The following CAMKMT variants were observed in gnomAD, a reference collection of about 807,000 sequenced individuals.
CAMKMT encodes the protein CaM KMT.
Under a neutral mutation model 48.0 loss-of-function variants are expected in CAMKMT, and 53 were observed. The observed-to-expected ratio is 1.10, with a 90% CI of 0.89 to 1.39. The LOEUF is 1.39. CAMKMT is among the 40% of genes most tolerant of loss of function. The probability of loss-of-function intolerance (pLI) is 0.00; values close to 1 mark genes in which losing one functional copy is unlikely to be tolerated. For missense variants in CAMKMT, 428 were observed against 402.7 expected (o/e 1.06, Z -0.54); for synonymous variants, 165 against 152.3 (o/e 1.08, Z -0.61).
At chr2:44,432,897 CGTGGCTATT>C (rs1361509237) in intron 3 of CAMKMT, among the ~76,000 whole-genome samples, 2 of 151,308 alleles carry the variant, frequency 1.3e-5, no homozygotes, top group Admixed American at 1.3e-4. Flanking sequence ...GTTAATTTTC[CGTGGCTATT>C]GTGAGAATTA....
rs367807436 is a variant in CAMKMT, at chr2:44,707,369, T to C, written c.493-30T>C. The C allele has an allele frequency of 2.6e-5, 42 of 1,608,014 alleles. No individual in the cohort carries two copies. The African/African-American group carries it at 3.6e-4, about 14-fold the overall frequency. On this transcript the variant is annotated intron_variant, in intron 5 of 10. Coordinates refer to ENST00000378494, the MANE Select transcript of CAMKMT (RefSeq NM_024766.5). ...CCACACAGACAAGCATATTTGCTCA[T>C]TGTTTGCTGTGCTCCCTTTTTTTTT...
chr2:44,367,303 C>T (rs914791061), intron 1 of CAMKMT, among the ~76,000 whole-genome samples: 3 of 152,142 alleles, frequency 2.0e-5, no homozygotes, highest in Non-Finnish European at 4.4e-5. Flanking sequence ...ATCTTAAATG[C>T]TTCAATATCC....
At chr2:44,712,693 A>G (rs1573140318) in intron 6 of CAMKMT, among the ~76,000 whole-genome samples, 1 of 152,176 alleles carries the variant, frequency 6.6e-6, no homozygotes, top group Non-Finnish European at 1.5e-5. Context: ...CTTTGCACCC[A>G]GTCCCTCCCA....
chr2:44,381,021 G>A (rs192171070), intron 2 of CAMKMT, among the ~76,000 whole-genome samples: 1 of 152,032 alleles, frequency 6.6e-6, no homozygotes, highest in South Asian at 2.1e-4. Context: ...TTAGCCGGGA[G>A]TGGTGGCAGA....
intron 3 of CAMKMT, among the ~76,000 whole-genome samples, chr2:44,535,225 A>G (rs376032701): frequency 4.6e-5 from 7 of 152,300 alleles, no homozygotes; most frequent in Admixed American, 2.0e-4. Context: ...TAGACCAATA[A>G]CAAGTAATGA....
chr2:44,467,904 A>T (rs991212631), intron 3 of CAMKMT, among the ~76,000 whole-genome samples: 1 of 152,212 alleles, frequency 6.6e-6, no homozygotes, highest in Non-Finnish European at 1.5e-5. Context: ...TGAAACTACC[A>T]GAAGAAAGTA....
At chr2:44,385,825 C>G (rs1272023953) in intron 2 of CAMKMT, among the ~76,000 whole-genome samples, 1 of 152,062 alleles carries the variant, frequency 6.6e-6, no homozygotes, top group Admixed American at 6.5e-5. Flanking sequence ...ATATGAAACC[C>G]ACTTGATCAT....
intron 3 of CAMKMT, among the ~76,000 whole-genome samples, chr2:44,530,698 G>T (rs1169322348): frequency 7.2e-5 from 11 of 152,166 alleles, no homozygotes; most frequent in Admixed American, 6.5e-4. Context: ...ATGGTTTTGG[G>T]TGATGTGCCT....
chr2:44,743,478 C>T (rs1308583607), intron 7 of CAMKMT, 144 bp from the exon 8 acceptor site: 3 of 589,680 alleles, frequency 5.1e-6, no homozygotes, highest in Non-Finnish European at 9.1e-6. Flanking sequence ...ACAGTTACAT[C>T]CTATTTTTTA....
chr2:44,626,877 C>T (rs2103953187), intron 3 of CAMKMT, among the ~76,000 whole-genome samples: 1 of 152,250 alleles, frequency 6.6e-6, no homozygotes, highest in South Asian at 2.1e-4. Context: ...CCTTTTCTTG[C>T]TCTAGTGCAC....
At chr2:44,392,519 A>G (rs985549956) in intron 3 of CAMKMT, among the ~76,000 whole-genome samples, 1 of 152,046 alleles carries the variant, frequency 6.6e-6, no homozygotes, top group Non-Finnish European at 1.5e-5. Flanking sequence ...CAATAGTGAT[A>G]TTGAGTTTGT....
intron 3 of CAMKMT, among the ~76,000 whole-genome samples, chr2:44,630,126 A>G (rs1356057277): frequency 6.6e-6 from 1 of 151,944 alleles, no homozygotes; most frequent in African/African-American, 2.4e-5. Flanking sequence ...GACAAACCTG[A>G]GAAAAATAAG....
At chr2:44,478,023 A>G (rs764429649) in intron 3 of CAMKMT, among the ~76,000 whole-genome samples, 14 of 152,226 alleles carry the variant, frequency 9.2e-5, no homozygotes, top group Non-Finnish European at 1.8e-4. Context: ...AAAAATACCT[A>G]TATGTACCAT....
chr2:44,468,037 A>G (rs1279627589), intron 3 of CAMKMT, among the ~76,000 whole-genome samples: 7 of 152,196 alleles, frequency 4.6e-5, no homozygotes, highest in Non-Finnish European at 8.8e-5. Flanking sequence ...CTTTTGCACA[A>G]CAGAATAAAC....
chr2:44,668,043 G>T (rs1675102902), intron 3 of CAMKMT, among the ~76,000 whole-genome samples: 1 of 152,222 alleles, frequency 6.6e-6, no homozygotes, highest in African/African-American at 2.4e-5. Context: ...ACCATGCTGA[G>T]TGGCTTTGGT....
intron 3 of CAMKMT, among the ~76,000 whole-genome samples, chr2:44,554,719 T>TA (rs1667914440): frequency 6.6e-6 from 1 of 151,536 alleles, no homozygotes; most frequent in Admixed American, 6.6e-5. Flanking sequence ...AAATAAAAAA[T>TA]AAAAAAATTA....
intron 3 of CAMKMT, among the ~76,000 whole-genome samples, chr2:44,566,638 A>G (rs1309492532): frequency 6.6e-6 from 1 of 152,148 alleles, no homozygotes; most frequent in Non-Finnish European, 1.5e-5. Context: ...TGTTGACATC[A>G]TTTAAAAAAA....
chr2:44,566,099 A>G (rs1408194137), intron 3 of CAMKMT, among the ~76,000 whole-genome samples: 1 of 152,354 alleles, frequency 6.6e-6, no homozygotes, highest in South Asian at 2.1e-4. Flanking sequence ...GTATAGTATT[A>G]TGATCTACTC....
chr2:44,475,588 T>G lies in CAMKMT; in HGVS notation c.376+85283T>G, dbSNP rs1255385357. Among the ~76,000 whole-genome samples, 8 of 152,280 alleles carry G rather than the reference T, an allele frequency of 5.3e-5. No homozygotes were observed. The East Asian group carries it at 1.5e-3, about 29-fold the overall frequency. ...GTCTTGGCTCCCAAAGTGCTGGGAT[T>G]ACAGGCATGAGCCACCGCGCCTGGC... On this transcript the variant is annotated intron_variant, in intron 3 of 10. Transcript: ENST00000378494.
Sources: allele counts gnomAD v4.1 joint callset (sites outside exome capture counted in the v4.1 genomes callset), GRCh38; gene constraint gnomAD v4.1.1; transcripts MANE v1.5; gene names NCBI Gene and HGNC (gene_info 2026-07-23, HGNC 2026-07-21).